The following LCOR variants were observed in gnomAD, a reference collection of about 807,000 sequenced individuals.
LCOR encodes the protein ligand-dependent corepressor.
Under a neutral mutation model 64.4 loss-of-function variants are expected in LCOR, and 14 were observed. The observed-to-expected ratio is 0.22, with a 90% CI of 0.14 to 0.34. The LOEUF is 0.34. Ranked by LOEUF, LCOR falls within the 10% of genes least tolerant of loss-of-function variation. LCOR has a pLI of 1.00. For synonymous variants in LCOR, 643 were observed against 642.5 expected (o/e 1.00, Z -0.01); for missense variants, 1,686 against 1,765.3 (o/e 0.96, Z 0.80).
At chr10:96,926,408 AAAT>A (rs1159616920) in intron 4 of LCOR, among the ~76,000 whole-genome samples, 9 of 152,228 alleles carry the variant, frequency 5.9e-5, no homozygotes, top group Admixed American at 2.0e-4. Flanking sequence ...GAAGTTTTGA[AAAT>A]AATCACATAT....
intron 7 of LCOR, among the ~76,000 whole-genome samples, chr10:96,966,419 G>A (rs1007027161): frequency 1.3e-5 from 2 of 151,640 alleles, no homozygotes; most frequent in African/African-American, 2.4e-5. Flanking sequence ...TAGTAGAAAC[G>A]GGGTTTCACC....
In LCOR at chr10:96,991,001, A is replaced by G. The variant is rs970234190; in HGVS notation, c.*5867A>G. ...CAGGGGTTGGACAAATGGATTTTTTACCCTTTTTTAAAGGGTTATGTAAAA... is the reference window on the plus strand; with the variant it reads ...CAGGGGTTGGACAAATGGATTTTTTGCCCTTTTTTAAAGGGTTATGTAAAA... On this transcript the variant is annotated 3_prime_UTR_variant, in exon 8 of 8. Coordinates refer to ENST00000421806, the MANE Select transcript of LCOR (RefSeq NM_001346516.2). 7.1e-6 allele frequency: 1 copy of G among 141,736 alleles called. No homozygotes were observed. The highest frequency in any genetic ancestry group is 1.5e-5 in the Non-Finnish European group (1 of 65,564). 8.8% of individuals were successfully genotyped at this position (141,736 alleles called of 1,614,324 possible).
intron 4 of LCOR, among the ~76,000 whole-genome samples, chr10:96,925,311 G>A (rs1847149797): frequency 6.6e-6 from 1 of 152,080 alleles, no homozygotes; most frequent in Non-Finnish European, 1.5e-5. Context: ...CCTGATCTCA[G>A]GTGATCACCT....
In LCOR at chr10:96,901,033, C is replaced by T. The variant is rs918819591; in HGVS notation, c.-329-6232C>T. ...TGAAACCCCGCCTCCACTAAAAATA[C>T]AAAAAATTAGTCAGGCGTGGTGGCG... is the stretch of plus-strand genomic sequence containing the variant. On this transcript the variant is annotated intron_variant, in intron 2 of 7. Transcript: ENST00000421806. Among the ~76,000 whole-genome samples the T allele has an allele frequency of 2.6e-5, 4 of 151,844 alleles. No homozygotes were observed. In the South Asian group the frequency reaches 8.3e-4, roughly 32 times the overall value.
intron 7 of LCOR, among the ~76,000 whole-genome samples, chr10:96,976,903 T>A (rs1848044597): frequency 6.6e-6 from 1 of 152,256 alleles, no homozygotes; most frequent in South Asian, 2.1e-4. Context: ...AGGTAATGAT[T>A]GTGCTTCTTG....
chr10:96,957,043 A>C, intron 7 of LCOR: 3 of 985,372 alleles, frequency 3.0e-6, no homozygotes, highest in Non-Finnish European at 3.6e-6. Flanking sequence ...AAAAAACCCC[A>C]AGGTAACCCG....
chr10:96,984,933 G>C lies in LCOR; in HGVS notation c.4473G>C (p.Leu1491=), dbSNP rs764668073. The C allele has an allele frequency of 5.0e-6, 8 of 1,614,000 alleles. No individual in the cohort carries two copies. Among genetic ancestry groups the C allele is most frequent in the Non-Finnish European group, 5.9e-6 (7 of 1,180,040 alleles). Residue 1491 remains leucine (L), a synonymous_variant, in exon 8 of 8, where the codon CTG becomes CTC. Transcript: ENST00000421806. ...RPSQSIASET[L]TKPAKQKGAG... is the part of the protein sequence containing the mutation. ...CCCAGTCTATTGCCTCGGAAACACTGACGAAACCTGCAAAACAGAAGGGGG... is the reference window on the plus strand; with the variant it reads ...CCCAGTCTATTGCCTCGGAAACACTCACGAAACCTGCAAAACAGAAGGGGG...
rs558590092 is a variant in LCOR at position 96,893,364 on chromosome 10, A to C, written c.-329-13901A>C. 4.6e-5 allele frequency among the ~76,000 whole-genome samples: 7 copies of C among 152,302 alleles called. No individual in the cohort carries two copies. In the South Asian group the frequency reaches 6.2e-4, roughly 14 times the overall value. On this transcript the variant is annotated intron_variant, in intron 2 of 7. Transcript: ENST00000421806. ...TTTGCTTCCTAACACTTTATAATAT[A>C]ATATCTCTAATATGCTTTCAGATAC... is the stretch of plus-strand genomic sequence containing the variant.
intron 2 of LCOR, among the ~76,000 whole-genome samples, chr10:96,850,276 G>A (rs757645611): frequency 2.8e-4 from 42 of 152,192 alleles, no homozygotes; most frequent in Admixed American, 2.4e-3. Flanking sequence ...AAGGCCGGGC[G>A]CAGTGGCTCA....
At chr10:96,950,868 A>G (rs1373065922) in intron 6 of LCOR, among the ~76,000 whole-genome samples, 1 of 152,116 alleles carries the variant, frequency 6.6e-6, no homozygotes, top group Non-Finnish European at 1.5e-5. Flanking sequence ...GCAGTAGTAC[A>G]TTTGCTTCTT....
At chr10:96,921,013 G>A (rs1391051081) in intron 4 of LCOR, among the ~76,000 whole-genome samples, 1 of 151,816 alleles carries the variant, frequency 6.6e-6, no homozygotes, top group Non-Finnish European at 1.5e-5. Flanking sequence ...GCCCAGGCTG[G>A]TCTTGAACTC....
In LCOR at chr10:96,916,587, C is replaced by CCATATATATA. The variant is rs375266535; in HGVS notation, c.-184+8840_-184+8841insCATATATATA. 1.3e-3 allele frequency among the ~76,000 whole-genome samples: 178 copies of CCATATATATA among 138,236 alleles called. 3 individuals are homozygous for CCATATATATA. The highest frequency in any genetic ancestry group is 4.5e-3 in the African/African-American group (164 of 36,104). 90.7% of individuals were successfully genotyped at this position (138,236 alleles called of 152,430 possible). ...GAAACACATATGAGATATTTAAAGG[C>CCATATATATA]TATATATATATATATATATCTATAT... On this transcript the variant is annotated intron_variant, in intron 4 of 7. Coordinates refer to ENST00000421806, the MANE Select transcript of LCOR (RefSeq NM_001346516.2).
chr10:96,889,406 A>G (rs1166497216), intron 2 of LCOR, among the ~76,000 whole-genome samples: 1 of 152,224 alleles, frequency 6.6e-6, no homozygotes, highest in Non-Finnish European at 1.5e-5. Flanking sequence ...GAAGGCTGGA[A>G]GTACAGATCA....
intron 4 of LCOR, among the ~76,000 whole-genome samples, chr10:96,920,032 A>G (rs567139819): frequency 2.0e-5 from 3 of 152,308 alleles, no homozygotes; most frequent in Admixed American, 6.5e-5. Context: ...GTTGGATCAT[A>G]TGGTAATCCT....
intron 2 of LCOR, among the ~76,000 whole-genome samples, chr10:96,874,627 C>G (rs1846133232): frequency 6.6e-6 from 1 of 151,840 alleles, no homozygotes; most frequent in African/African-American, 2.4e-5. Flanking sequence ...GTAGAGTACC[C>G]TATGACTAGA....
intron 4 of LCOR, among the ~76,000 whole-genome samples, chr10:96,923,365 A>G (rs1015988624): frequency 2.0e-5 from 3 of 152,180 alleles, no homozygotes; most frequent in African/African-American, 7.2e-5. Context: ...AATATTACCT[A>G]AATTTGGAGA....
At chr10:96,856,079 G>GT (rs112641537) in intron 2 of LCOR, among the ~76,000 whole-genome samples, 21,281 of 150,264 alleles carry the variant, frequency 0.14, 2,048 homozygotes, top group African/African-American at 0.27. Flanking sequence ...TATTTATTTA[G>GT]TTTTTTTTTG....
intron 2 of LCOR, among the ~76,000 whole-genome samples, chr10:96,862,567 C>T (rs375491744): frequency 7.9e-5 from 12 of 152,224 alleles, no homozygotes; most frequent in African/African-American, 2.4e-4. Flanking sequence ...AGTCCAGCCA[C>T]GTAGGCATGA....
At chr10:96,879,690 CCTCA>C (rs1294357871) in intron 2 of LCOR, among the ~76,000 whole-genome samples, 1 of 152,076 alleles carries the variant, frequency 6.6e-6, no homozygotes, top group African/African-American at 2.4e-5. Context: ...CAGACTCTCA[CCTCA>C]CTCTGTCGCC....
Sources: allele counts gnomAD v4.1 joint callset (sites outside exome capture counted in the v4.1 genomes callset), GRCh38; gene constraint gnomAD v4.1.1; transcripts MANE v1.5; gene names NCBI Gene and HGNC (gene_info 2026-07-23, HGNC 2026-07-21).